The following SGCZ variants were observed in gnomAD, a reference collection of about 807,000 sequenced individuals.
SGCZ encodes zeta-sarcoglycan.
SGCZ carries 40 observed loss-of-function variants against 41.3 expected under a neutral mutation model. That is an observed-to-expected ratio of 0.97 (90% confidence interval 0.75 to 1.26). SGCZ has a LOEUF of 1.26. Ranked by LOEUF, SGCZ falls within the 50% of genes most tolerant of loss-of-function variation. SGCZ has a pLI of 0.00. For missense variants in SGCZ, 552 were observed against 369.8 expected (o/e 1.49, Z -4.04); for synonymous variants, 206 against 137.5 (o/e 1.50, Z -3.49).
At chr8:14,767,485 G>T (rs10110420) in intron 1 of SGCZ, among the ~76,000 whole-genome samples, 1 of 151,984 alleles carries the variant, frequency 6.6e-6, no homozygotes, top group Non-Finnish European at 1.5e-5. Context: ...CATTTTGGGG[G>T]AAGAAAGTTA....
chr8:14,793,507 C>T (rs1416764639), intron 1 of SGCZ, among the ~76,000 whole-genome samples: 2 of 152,244 alleles, frequency 1.3e-5, no homozygotes, highest in Non-Finnish European at 2.9e-5. Context: ...CATAGCAATA[C>T]ATTTCTGGAA....
At chr8:14,475,190 A>G (rs1379927595) in intron 2 of SGCZ, among the ~76,000 whole-genome samples, 5 of 152,286 alleles carry the variant, frequency 3.3e-5, no homozygotes, top group African/African-American at 4.8e-5. Flanking sequence ...TTATATTTCA[A>G]TATGAGTCTA....
rs544376028 is a variant in SGCZ at position 14,678,366 on chromosome 8, A to G, written c.40-123440T>C. Among the ~76,000 whole-genome samples, 96 of 152,354 alleles carry G rather than the reference A, an allele frequency of 6.3e-4. No homozygotes were observed. The South Asian group carries it at 7.0e-3, about 11-fold the overall frequency. ...AGAAATCAAACCAATCTACTAAAAA[A>G]TGGGCCAGACACCTTAATAGACACT... On this transcript the variant is annotated intron_variant, in intron 1 of 7. Coordinates refer to ENST00000382080, the MANE Select transcript of SGCZ (RefSeq NM_139167.4).
rs148841549 is a variant in SGCZ, at chr8:14,763,609, T to C, written c.40-208683A>G. On this transcript the variant is annotated intron_variant, in intron 1 of 7. Transcript: ENST00000382080. ...CGAACTCCAGTTAAACTTGGAAAAG[T>C]TTACGTAATGATCATGTAAGTCTAC... Among the ~76,000 whole-genome samples the C allele has an allele frequency of 6.3e-4, 96 of 152,222 alleles. 2 individuals carry two copies. The East Asian group carries it at 0.015, about 24-fold the overall frequency.
chr8:14,965,397 G>A (rs967727078), intron 1 of SGCZ, among the ~76,000 whole-genome samples: 10 of 151,922 alleles, frequency 6.6e-5, no homozygotes, highest in African/African-American at 2.4e-4. Context: ...CATGAAAGAC[G>A]GAAAGTAAAG....
At chr8:14,778,906 A>T (rs542263383) in intron 1 of SGCZ, among the ~76,000 whole-genome samples, 4 of 152,186 alleles carry the variant, frequency 2.6e-5, no homozygotes, top group African/African-American at 9.6e-5. Flanking sequence ...GTGAAAACAC[A>T]TTAGGAATAT....
intron 2 of SGCZ, among the ~76,000 whole-genome samples, chr8:14,429,684 G>A (rs1285177795): frequency 6.6e-6 from 1 of 152,162 alleles, no homozygotes; most frequent in East Asian, 1.9e-4. Flanking sequence ...TGACTAGCGT[G>A]GCTAATCGTC....
At chr8:14,248,008 C>T (rs1799166005) in intron 3 of SGCZ, among the ~76,000 whole-genome samples, 1 of 152,176 alleles carries the variant, frequency 6.6e-6, no homozygotes, top group Non-Finnish European at 1.5e-5. Context: ...CAGTAATTTT[C>T]CACCAATGGA....
At chr8:14,303,617 A>C (rs947262193) in intron 3 of SGCZ, among the ~76,000 whole-genome samples, 4 of 152,106 alleles carry the variant, frequency 2.6e-5, no homozygotes, top group Non-Finnish European at 5.9e-5. Flanking sequence ...ACTCTAAAAA[A>C]CTTCCAGCAA....
chr8:14,381,785 C>CAA (rs557822815), intron 2 of SGCZ, among the ~76,000 whole-genome samples: 150 of 140,280 alleles, frequency 1.1e-3, no homozygotes, highest in African/African-American at 3.8e-3. Context: ...GACCCTGTCT[C>CAA]AAAAAAAAAA....
intron 1 of SGCZ, among the ~76,000 whole-genome samples, chr8:14,981,126 A>T (rs1801650346): frequency 6.6e-6 from 1 of 152,182 alleles, no homozygotes; most frequent in African/African-American, 2.4e-5. Flanking sequence ...AATAGAGCAC[A>T]TTCCCTTAGC....
chr8:14,958,080 G>C (rs1427750701), intron 1 of SGCZ, among the ~76,000 whole-genome samples: 1 of 152,002 alleles, frequency 6.6e-6, no homozygotes, highest in Non-Finnish European at 1.5e-5. Context: ...ACTCATGAAA[G>C]AATAATTTCA....
chr8:14,290,432 G>A (rs886516128), intron 3 of SGCZ, among the ~76,000 whole-genome samples: 2 of 151,926 alleles, frequency 1.3e-5, no homozygotes, highest in African/African-American at 4.8e-5. Flanking sequence ...TTTGACAACT[G>A]CACATCTTAT....
intron 1 of SGCZ, among the ~76,000 whole-genome samples, chr8:14,628,342 T>C (rs1014470659): frequency 5.3e-5 from 7 of 132,890 alleles, no homozygotes. Flanking sequence ...ATATTACAGC[T>C]GATAACCTCC....
intron 2 of SGCZ, among the ~76,000 whole-genome samples, chr8:14,378,332 G>C (rs1563290360): frequency 6.6e-6 from 1 of 152,092 alleles, no homozygotes; most frequent in Non-Finnish European, 1.5e-5. Flanking sequence ...TGTCTTCTTA[G>C]AAAACCTAGG....
chr8:14,896,203 C>T (rs528981780), intron 1 of SGCZ, among the ~76,000 whole-genome samples: 1 of 152,132 alleles, frequency 6.6e-6, no homozygotes, highest in African/African-American at 2.4e-5. Flanking sequence ...ATTGTTAATT[C>T]TCTTCCTCTC....
At chr8:15,182,968 G>GAC (rs896820143) in intron 1 of SGCZ, among the ~76,000 whole-genome samples, 1 of 151,938 alleles carries the variant, frequency 6.6e-6, no homozygotes, top group African/African-American at 2.4e-5. Flanking sequence ...GAAAAACAAA[G>GAC]ACACACACAC....
At chr8:14,228,327 T>C (rs538107681) in intron 4 of SGCZ, among the ~76,000 whole-genome samples, 23 of 152,226 alleles carry the variant, frequency 1.5e-4, no homozygotes, top group African/African-American at 5.5e-4. Context: ...ATAAGGTATG[T>C]AGTCATAAGG....
At chr8:14,129,993 A>T (rs570611653) in intron 5 of SGCZ, among the ~76,000 whole-genome samples, 2 of 152,214 alleles carry the variant, frequency 1.3e-5, no homozygotes, top group African/African-American at 4.8e-5. Context: ...ACGTGATCCC[A>T]AGTTCATATG....
Sources: allele counts gnomAD v4.1 joint callset (sites outside exome capture counted in the v4.1 genomes callset), GRCh38; gene constraint gnomAD v4.1.1; transcripts MANE v1.5; gene names NCBI Gene and HGNC (gene_info 2026-07-23, HGNC 2026-07-21).